PAPLN: variants seen among roughly 807,000 people sequenced by gnomAD.
The protein encoded by PAPLN is papilin.
In PAPLN, 146 loss-of-function variants were observed where a neutral mutation model predicts 159.0. The observed-to-expected ratio is 0.92, with a 90% confidence interval of 0.80 to 1.05. The LOEUF (loss-of-function observed/expected upper bound fraction) is 1.05, where lower values mean the gene tolerates loss of function less well. Ranked by LOEUF, PAPLN falls within the 50% of genes least tolerant of loss-of-function variation. PAPLN has a pLI of 0.00. For missense variants in PAPLN, 1,720 were observed against 1,743.9 expected, an observed-to-expected ratio of 0.99 and a Z score of 0.24; for synonymous variants, 734 against 702.9, an observed-to-expected ratio of 1.04 and a Z score of -0.70.
chr14:73,265,468 T>A lies in PAPLN; in HGVS notation c.3224T>A (p.Ile1075Asn). The A allele has an allele frequency of 6.2e-7, 1 of 1,613,882 alleles. No homozygotes were observed. The highest frequency in any genetic ancestry group is 8.5e-7 in the Non-Finnish European group (1 of 1,180,016). Residue 1075 changes from isoleucine (I) to asparagine (N), a missense_variant, in exon 23 of 27, where the codon ATC (isoleucine) becomes AAC (asparagine). Ile to Asn is a moderately radical substitution (Grantham distance 149). Transcript: ENST00000644200. The surrounding 1 kb of genome is among the most constrained non-coding windows in gnomAD (Gnocchi z 4.1). The part of the protein sequence containing the change: ...CRAEGFPPPA[I>N]EWQRDGQPVS... ...GCCGAAGGCTTCCCGCCCCCAGCCA[T>A]CGAGTGGCAGAGAGATGGGCAGCCT...
intron 14 of PAPLN, among the ~76,000 whole-genome samples, chr14:73,258,150 G>T (rs1886140882): frequency 6.6e-6 from 1 of 152,140 alleles, no homozygotes; most frequent in Non-Finnish European, 1.5e-5. Flanking sequence ...TTTACATTCA[G>T]TTAACCCTTT....
intron 25 of PAPLN, 126 bp downstream of exon 25, chr14:73,266,957 AG>A (rs1887277261): frequency 1.1e-6 from 1 of 890,788 alleles, no homozygotes. Flanking sequence ...GCCTGGTGCC[AG>A]GGGAGAGGGC....
rs1886732273 is a variant in PAPLN at position 73,262,770 on chromosome 14, C to G, written c.2666C>G (p.Pro889Arg). 6.6e-7 allele frequency: 1 copy of G among 1,508,390 alleles called. No individual in the cohort carries two copies. Among genetic ancestry groups the G allele is most frequent in the East Asian group, 2.3e-5 (1 of 43,390 alleles). 93.4% of individuals were successfully genotyped at this position (1,508,390 alleles called of 1,614,324 possible). A position where few individuals can be genotyped will look rare whatever the true frequency, so the allele number is the denominator to read the frequency against. The change falls in exon 19 of 27, where the codon CCT becomes CGT. Residue 889 changes from proline to arginine, a missense_variant. Coordinates refer to ENST00000644200, the MANE Select transcript of PAPLN (RefSeq NM_001365906.3). ...GGGCAGGAGCTTGGGTCCAGGGCCC[C>G]TGGACTGGGTGGAGATGCCGGATCA... is the stretch of plus-strand genomic sequence containing the variant. ...PWGQELGSRAPGLGGDAGSPA... is the reference protein window; with the variant it reads ...PWGQELGSRARGLGGDAGSPA...
In PAPLN at chr14:73,245,591, G is replaced by T; in HGVS notation, c.171-45G>T. ...CAGAGAGCCCCAGAACGGGGGCAGG[G>T]ACGTTGGGTCTCGGTCAGGTCTTCC... On this transcript the variant is annotated intron_variant, in intron 3 of 26. Transcript: ENST00000644200. This position sits in a 1 kb window ranked among gnomAD's most constrained non-coding sequence, Gnocchi z 4.2. 1 of 1,542,780 alleles carries T rather than the reference G, an allele frequency of 6.5e-7. No homozygotes were observed.
At chr14:73,271,868 GGCTTT>G (rs2308155) in intron 26 of PAPLN, among the ~76,000 whole-genome samples, 77,759 of 151,430 alleles carry the variant, frequency 0.51, 20,543 homozygotes, top group East Asian at 0.71. Flanking sequence ...AGAAAACAAG[GGCTTT>G]GCTTTGTTCT....
At chr14:73,257,177 G>A (rs1354971555) in intron 14 of PAPLN, among the ~76,000 whole-genome samples, 2 of 152,052 alleles carry the variant, frequency 1.3e-5, no homozygotes, top group Non-Finnish European at 2.9e-5. Flanking sequence ...TTGTTATGTT[G>A]TCCAGGCCGG....
rs60942606 is a variant in PAPLN at position 73,247,984 on chromosome 14, CTGTGTGTGTGTGTGTGTGTGTG to C, written c.334+1833_334+1854del. Reference sequence around the variant, plus strand: ...TGGCCCACTGGGAGTCTCATATCCTCTGTGTGTGTGTGTGTGTGTGTGTGTGTGTGTGTGTGTGTGTGTGTTG... The same window carrying C: ...TGGCCCACTGGGAGTCTCATATCCTCTGTGTGTGTGTGTGTGTGTGTGTTG... On this transcript the variant is annotated intron_variant, in intron 5 of 26. Coordinates refer to ENST00000644200, the MANE Select transcript of PAPLN (RefSeq NM_001365906.3). Among the ~76,000 whole-genome samples the C allele has an allele frequency of 3.7e-3, 72 of 19,378 alleles. 2 individuals are homozygous for C. Among genetic ancestry groups the C allele is most frequent in the Middle Eastern group, 0.05 (1 of 20 alleles). 12.7% of individuals were successfully genotyped at this position (19,378 alleles called of 152,430 possible).
chr14:73,264,586 AG>A lies in PAPLN; in HGVS notation c.2990del, dbSNP rs757101387. On this transcript the variant is annotated splice_acceptor_variant, in intron 21 of 26. Coordinates refer to ENST00000644200, the MANE Select transcript of PAPLN (RefSeq NM_001365906.3). LOFTEE classifies it high-confidence loss of function. ...ACCTTGTTTCTCCTGGCCTCATGAC[AG>A]GGGGTGACATGGCCGTGCTGTCTGA... is the stretch of plus-strand genomic sequence containing the variant. 12 of 1,585,026 alleles carry A rather than the reference AG, an allele frequency of 7.6e-6. No homozygotes were observed. The highest frequency in any genetic ancestry group is 1.0e-5 in the Non-Finnish European group (12 of 1,165,252).
rs1452714700 is a variant in PAPLN at position 73,274,506 on chromosome 14, G to A, written c.*1842G>A. Reference sequence around the variant, plus strand: ...TCTCTACTCATTCAACAAAGGAAATGTGGGCTGGGGCAGAGGTCTTTTTTC... The same window carrying A: ...TCTCTACTCATTCAACAAAGGAAATATGGGCTGGGGCAGAGGTCTTTTTTC... On this transcript the variant is annotated 3_prime_UTR_variant, in exon 27 of 27. Transcript: ENST00000644200. 1 of 152,212 alleles carries A rather than the reference G, an allele frequency of 6.6e-6. No homozygotes were observed. Among genetic ancestry groups the A allele is most frequent in the East Asian group, 1.9e-4 (1 of 5,200 alleles). The allele number at this position is 152,212 out of a possible 1,614,324, so 9.4% of individuals were successfully genotyped here.
In PAPLN at chr14:73,252,696, C is replaced by G; in HGVS notation, c.1015C>G (p.Pro339Ala). Residue 339 changes from proline to alanine, a missense_variant, in exon 11 of 27, where the codon CCC becomes GCC. Transcript: ENST00000644200. ...CTGCACCATCGACCATGAGGCCTACCCCGACCACATGTGCCAGCGCCAGCC... is the reference window on the plus strand; with the variant it reads ...CTGCACCATCGACCATGAGGCCTACGCCGACCACATGTGCCAGCGCCAGCC... ...VFCTIDHEAY[P>A]DHMCQRQPRP... 6.2e-7 allele frequency: 1 copy of G among 1,613,456 alleles called. No homozygotes were observed.
At position 73,263,714 on chromosome 14, in the gene PAPLN, C is replaced by T. The variant is rs778825923; in HGVS notation, c.2793C>T (p.Cys931=). ...TGGGGCAGTTGGTGCGGCTCTCCTGCTCAGACGACACTGCCCCGGAATCCC... is the reference window on the plus strand; with the variant it reads ...TGGGGCAGTTGGTGCGGCTCTCCTGTTCAGACGACACTGCCCCGGAATCCC... ...AALGQLVRLS[C]SDDTAPESQA... is the part of the protein sequence containing the mutation. The change falls in exon 20 of 27, where the codon TGC becomes TGT. Residue 931 remains cysteine (C), a synonymous_variant. Coordinates refer to ENST00000644200, the MANE Select transcript of PAPLN (RefSeq NM_001365906.3). 11 of 1,612,406 alleles carry T rather than the reference C, an allele frequency of 6.8e-6. No homozygotes were observed. Among genetic ancestry groups the T allele is most frequent in the Non-Finnish European group, 9.3e-6 (11 of 1,179,938 alleles).
At chr14:73,271,722 A>G (rs1887741525) in intron 26 of PAPLN, among the ~76,000 whole-genome samples, 1 of 152,098 alleles carries the variant, frequency 6.6e-6, no homozygotes, top group South Asian at 2.1e-4. Flanking sequence ...GGCTGGTCTC[A>G]AACTCCTGAC....
intron 18 of PAPLN, 56 bp downstream of exon 18, chr14:73,261,350 C>T (rs569367065): frequency 1.9e-6 from 3 of 1,577,726 alleles, no homozygotes; most frequent in Non-Finnish European, 2.6e-6. Context: ...TCCCACCATG[C>T]CTCCAGCCCC....
At chr14:73,251,176 G>GC in intron 7 of PAPLN, 146 bp downstream of exon 7, 1 of 1,374,596 alleles carries the variant, frequency 7.3e-7, no homozygotes, top group Non-Finnish European at 9.8e-7. Flanking sequence ...CATCTGAAAG[G>GC]CCCCCTGTGG....
intron 6 of PAPLN, among the ~76,000 whole-genome samples, chr14:73,250,592 G>A (rs1272230901): frequency 3.3e-5 from 5 of 152,238 alleles, no homozygotes; most frequent in African/African-American, 1.2e-4. Context: ...TCTCTGATTC[G>A]TCTTGGTTTG....
intron 5 of PAPLN, 152 bp from the exon 6 acceptor site, chr14:73,249,832 T>G: frequency 1.3e-6 from 1 of 767,828 alleles, no homozygotes; most frequent in Non-Finnish European, 1.9e-6. Context: ...AGACGGTCCC[T>G]TCTCCTGGGG....
intron 1 of PAPLN, 160 bp from the exon 2 acceptor site, chr14:73,239,613 G>A (rs935628595): frequency 3.2e-5 from 44 of 1,360,216 alleles, no homozygotes; most frequent in South Asian, 3.2e-5. Flanking sequence ...GCGCCCTCAC[G>A]CTGTGTTCTC....
chr14:73,241,018 G>A (rs951056189), intron 2 of PAPLN, among the ~76,000 whole-genome samples: 2 of 152,084 alleles, frequency 1.3e-5, no homozygotes, highest in Non-Finnish European at 2.9e-5. Flanking sequence ...GAGGTCGGGG[G>A]GGGGATGCCA....
chr14:73,263,890 C>T (rs1445293280), intron 20 of PAPLN, 108 bp downstream of exon 20: 11 of 1,230,536 alleles, frequency 8.9e-6, no homozygotes, highest in Non-Finnish European at 1.2e-5. Context: ...TGTGACAGAC[C>T]CCCTCCTCCT....
Sources: gnomAD v4.1 joint callset for allele counts (sites outside exome capture counted in the v4.1 genomes callset) on GRCh38, gnomAD v4.1.1 for gene constraint, Gnocchi (gnomAD v3.1) non-coding constraint, MANE v1.5 for transcripts, NCBI Gene and HGNC (gene_info 2026-07-23, HGNC 2026-07-21) for gene names.